Variants in CNTNAP2 observed in about 807,000 individuals in gnomAD.
CNTNAP2 encodes contactin associated protein 2.
CNTNAP2 carries 98 observed loss-of-function variants against 155.2 expected under a neutral mutation model. The ratio of observed to expected loss-of-function variants is 0.63; its 90% confidence interval spans 0.54 to 0.75. The LOEUF is 0.75. CNTNAP2 is among the 30% of genes least tolerant of loss of function. The pLI is 0.00. For synonymous variants in CNTNAP2, 651 were observed against 631.2 expected (o/e 1.03, Z -0.47); for missense variants, 1,727 against 1,688.1 (o/e 1.02, Z -0.40).
chr7:146,273,214 C>CA (rs57230385), intron 1 of CNTNAP2, among the ~76,000 whole-genome samples: 1,630 of 101,792 alleles, frequency 0.016, 20 homozygotes, highest in East Asian at 0.05. Flanking sequence ...GCGTCACGTG[C>CA]AAAAAAAAAA....
intron 13 of CNTNAP2, among the ~76,000 whole-genome samples, chr7:147,774,984 A>G (rs893260765): frequency 6.6e-6 from 1 of 151,688 alleles, no homozygotes; most frequent in Admixed American, 6.6e-5. Flanking sequence ...TCTACTTACT[A>G]TGCTGACTCT....
chr7:147,123,731 A>G (rs1199223273), intron 6 of CNTNAP2, among the ~76,000 whole-genome samples: 4 of 152,134 alleles, frequency 2.6e-5, no homozygotes, highest in Non-Finnish European at 4.4e-5. Flanking sequence ...CCCTTTGCTT[A>G]TTTGTTTAGA....
At chr7:147,318,303 A>C (rs547038047) in intron 9 of CNTNAP2, among the ~76,000 whole-genome samples, 2 of 152,156 alleles carry the variant, frequency 1.3e-5, no homozygotes, top group South Asian at 2.1e-4. Flanking sequence ...TTAGCTGGGC[A>C]TGGGTACGCG....
intron 15 of CNTNAP2, among the ~76,000 whole-genome samples, chr7:148,006,318 T>TTTA (rs1195471540): frequency 9.3e-6 from 1 of 107,320 alleles, no homozygotes; most frequent in East Asian, 3.5e-4. Flanking sequence ...AGGAAGTTCT[T>TTTA]TTTTTTTTTT....
chr7:147,390,828 A>G (rs1796701689), intron 9 of CNTNAP2, among the ~76,000 whole-genome samples: 1 of 152,130 alleles, frequency 6.6e-6, no homozygotes, highest in South Asian at 2.1e-4. Flanking sequence ...TAACATAATT[A>G]TAATGTGAAG....
intron 9 of CNTNAP2, among the ~76,000 whole-genome samples, chr7:147,314,371 A>G (rs1388202282): frequency 6.6e-6 from 1 of 152,188 alleles, no homozygotes; most frequent in African/African-American, 2.4e-5. Context: ...AAAAATCCCC[A>G]AGCCTCTCTG....
chr7:147,730,871 G>A (rs369975386), intron 13 of CNTNAP2, among the ~76,000 whole-genome samples: 1 of 152,098 alleles, frequency 6.6e-6, no homozygotes, highest in Non-Finnish European at 1.5e-5. Context: ...AAACATGAAC[G>A]ATAGAAAAGT....
chr7:146,733,056 AATC>A lies in CNTNAP2; in HGVS notation c.98-41212_98-41210del, dbSNP rs547319332. On this transcript the variant is annotated intron_variant, in intron 1 of 23. Coordinates refer to ENST00000361727, the MANE Select transcript of CNTNAP2 (RefSeq NM_014141.6). Reference sequence around the variant, plus strand: ...TAAAAAATAGACTGCACTAATATATAATCATAGACCACTAATAGAAAAGATATT... The same window carrying A: ...TAAAAAATAGACTGCACTAATATATAATAGACCACTAATAGAAAAGATATT... Among the ~76,000 whole-genome samples the A allele has an allele frequency of 3.3e-3, 501 of 152,258 alleles. 1 individual carries two copies. Among genetic ancestry groups the A allele is most frequent in the African/African-American group, 0.012 (482 of 41,580 alleles).
intron 3 of CNTNAP2, among the ~76,000 whole-genome samples, chr7:146,978,474 TAA>T (rs1797955043): frequency 6.6e-6 from 1 of 152,110 alleles, no homozygotes; most frequent in South Asian, 2.1e-4. Flanking sequence ...ACATGGTCTG[TAA>T]AGTTTCCTCT....
At chr7:148,011,880 A>T (rs1057305680) in intron 15 of CNTNAP2, among the ~76,000 whole-genome samples, 5 of 152,148 alleles carry the variant, frequency 3.3e-5, no homozygotes, top group African/African-American at 9.7e-5. Flanking sequence ...TTCCTAGAAC[A>T]TCCTATCATT....
chr7:148,398,658 C>T (rs1329445928), intron 22 of CNTNAP2, among the ~76,000 whole-genome samples: 1 of 152,174 alleles, frequency 6.6e-6, no homozygotes, highest in Non-Finnish European at 1.5e-5. Context: ...TGATGAAGCG[C>T]ATCTCTTGAG....
intron 1 of CNTNAP2, among the ~76,000 whole-genome samples, chr7:146,141,065 T>C (rs1037861625): frequency 2.0e-5 from 3 of 152,232 alleles, no homozygotes; most frequent in African/African-American, 7.2e-5. Flanking sequence ...ATAGTTTTAA[T>C]GTGCACTAAT....
chr7:147,605,295 T>A (rs758024180), intron 12 of CNTNAP2, among the ~76,000 whole-genome samples: 15 of 152,110 alleles, frequency 9.9e-5, no homozygotes, highest in Admixed American at 2.6e-4. Context: ...GTAGACACAT[T>A]AACATGAAAC....
intron 2 of CNTNAP2, among the ~76,000 whole-genome samples, chr7:146,818,504 A>G (rs1430166674): frequency 6.6e-6 from 1 of 152,076 alleles, no homozygotes; most frequent in Non-Finnish European, 1.5e-5. Flanking sequence ...AGTGTTTGCA[A>G]CCTTTAGGGG....
chr7:146,136,235 A>G lies in CNTNAP2; in HGVS notation c.97+19262A>G, dbSNP rs1584766688. Among the ~76,000 whole-genome samples, 2 of 152,276 alleles carry G rather than the reference A, an allele frequency of 1.3e-5. 1 individual carries two copies. Among genetic ancestry groups the G allele is most frequent in the Middle Eastern group, 6.8e-3 (2 of 294 alleles). On this transcript the variant is annotated intron_variant, in intron 1 of 23. Transcript: ENST00000361727. ...CTGAGTGTGATTTTTTACATTGCAT[A>G]CTGCCAGAAATCACCACATGTAGCA...
chr7:146,264,463 AAAAG>A (rs142002504), intron 1 of CNTNAP2, among the ~76,000 whole-genome samples: 1,700 of 152,146 alleles, frequency 0.011, 19 homozygotes, highest in African/African-American at 0.02. Context: ...AAATAAAAAA[AAAAG>A]AAAGAAAGAA....
intron 1 of CNTNAP2, among the ~76,000 whole-genome samples, chr7:146,379,028 T>C (rs1171337358): frequency 6.6e-6 from 1 of 152,256 alleles, no homozygotes; most frequent in Non-Finnish European, 1.5e-5. Flanking sequence ...GAGATTGTTC[T>C]GGTCTTCTCT....
In CNTNAP2 at chr7:148,344,497, T is replaced by G. The variant is rs112720234; in HGVS notation, c.3476-39152T>G. On this transcript the variant is annotated intron_variant, in intron 21 of 23. Transcript: ENST00000361727. ...GTTTTATTTTTCATCTTTGCACATT[T>G]TATTCTCTGCAATGATCTTATTCAC... Among the ~76,000 whole-genome samples the G allele has an allele frequency of 6.0e-3, 912 of 152,320 alleles. 5 individuals are homozygous for G. The highest frequency in any genetic ancestry group is 0.01 in the Middle Eastern group (3 of 294).
chr7:147,124,987 T>A (rs987423874), intron 6 of CNTNAP2, among the ~76,000 whole-genome samples: 1 of 150,948 alleles, frequency 6.6e-6, no homozygotes, highest in African/African-American at 2.4e-5. Flanking sequence ...TTCAAGTGAT[T>A]CTCCTGGCTC....
Sources: gnomAD v4.1 joint callset for allele counts (sites outside exome capture counted in the v4.1 genomes callset) on GRCh38, gnomAD v4.1.1 for gene constraint, MANE v1.5 for transcripts, NCBI Gene and HGNC (gene_info 2026-07-23, HGNC 2026-07-21) for gene names.